IL15: variants seen among roughly 807,000 people sequenced by gnomAD.
The protein encoded by IL15 is interleukin-15.
IL15 carries 11 observed loss-of-function variants against 19.6 expected under a neutral mutation model. That is an observed-to-expected ratio of 0.56 (90% CI 0.35 to 0.93). IL15 has a LOEUF of 0.93. Among genes scored for constraint, IL15 ranks in the 40% least tolerant of loss-of-function variants. The pLI is 0.01. For missense variants in IL15, 197 were observed against 186.5 expected (o/e 1.06, Z -0.33); for synonymous variants, 58 against 59.6 (o/e 0.97, Z 0.12).
chr4:141,693,015 T>TAAAAAAAAAAAAAAAA (rs1560922820), intron 2 of IL15, among the ~76,000 whole-genome samples: 2 of 11,816 alleles, frequency 1.7e-4, no homozygotes, highest in African/African-American at 4.8e-4. Context: ...AGACTCCGTC[T>TAAAAAAAAAAAAAAAA]CAAAAAAAAA....
At chr4:141,661,335 T>C (rs978861603) in intron 2 of IL15, among the ~76,000 whole-genome samples, 12 of 152,166 alleles carry the variant, frequency 7.9e-5, no homozygotes, top group African/African-American at 2.7e-4. Context: ...GAGTCATTCC[T>C]GGGAGAATAG....
At chr4:141,705,923 T>A (rs1371648824) in intron 2 of IL15, among the ~76,000 whole-genome samples, 1 of 151,988 alleles carries the variant, frequency 6.6e-6, no homozygotes, top group East Asian at 1.9e-4. Flanking sequence ...TCTGTTTGCA[T>A]GGAATATCTT....
At chr4:141,664,823 A>T (rs950993839) in intron 2 of IL15, among the ~76,000 whole-genome samples, 1 of 152,210 alleles carries the variant, frequency 6.6e-6, no homozygotes, top group African/African-American at 2.4e-5. Context: ...TCTTACATAC[A>T]TACTTTCTCA....
intron 1 of IL15, among the ~76,000 whole-genome samples, chr4:141,641,517 AAG>A (rs1410127663): frequency 6.6e-6 from 1 of 152,118 alleles, no homozygotes; most frequent in Non-Finnish European, 1.5e-5. Context: ...AGCCATAAAA[AAG>A]GATGAGTTCA....
At chr4:141,662,064 AT>A (rs1485732749) in intron 2 of IL15, among the ~76,000 whole-genome samples, 5 of 152,246 alleles carry the variant, frequency 3.3e-5, no homozygotes, top group Non-Finnish European at 7.3e-5. Flanking sequence ...CTTTCAGAGA[AT>A]AAAACATTGA....
chr4:141,680,937 T>C (rs1379797428), intron 2 of IL15, among the ~76,000 whole-genome samples: 1 of 152,220 alleles, frequency 6.6e-6, no homozygotes, highest in Non-Finnish European at 1.5e-5. Context: ...AGATTTGTAT[T>C]GCAATGAACA....
rs1326564146 is a variant in IL15, at chr4:141,714,991, G to A, written c.-99-4375G>A. ...CTAATGAGCCTTTCAAACTCAGCAT[G>A]TCCAGAACTGAAACTCCTGACCTGT... On this transcript the variant is annotated intron_variant, in intron 2 of 7. Coordinates refer to ENST00000320650, the MANE Select transcript of IL15 (RefSeq NM_000585.5). 7 of 152,164 alleles carry A rather than the reference G, an allele frequency of 4.6e-5. No homozygotes were observed. In the East Asian group the frequency reaches 1.4e-3, roughly 29 times the overall value. 9.4% of individuals were successfully genotyped at this position (152,164 alleles called of 1,614,324 possible). A position where few individuals can be genotyped will look rare whatever the true frequency, so the allele number is the denominator to read the frequency against.
At chr4:141,649,740 G>T (rs983763921) in intron 1 of IL15, among the ~76,000 whole-genome samples, 1 of 151,972 alleles carries the variant, frequency 6.6e-6, no homozygotes, top group Non-Finnish European at 1.5e-5. Flanking sequence ...GTAGGAGCAC[G>T]CTTGCTGCAA....
chr4:141,665,821 A>T (rs1053845307), intron 2 of IL15, among the ~76,000 whole-genome samples: 7 of 152,074 alleles, frequency 4.6e-5, no homozygotes, highest in Non-Finnish European at 1.0e-4. Flanking sequence ...TGATATTATG[A>T]TGTATATATT....
chr4:141,717,136 TAA>T (rs1729913208), intron 2 of IL15: 1 of 152,158 alleles, frequency 6.6e-6, no homozygotes, highest in African/African-American at 2.4e-5. Flanking sequence ...CTAACAGTAT[TAA>T]GAGTTAATAC....
intron 2 of IL15, 44 bp downstream of exon 2, chr4:141,656,351 T>C (rs1016605173): frequency 1.5e-5 from 6 of 397,426 alleles, no homozygotes; most frequent in Non-Finnish European, 2.2e-5. Context: ...ACAGATACTT[T>C]TATATAATAG....
At position 141,729,963 on chromosome 4, in the gene IL15, C is replaced by G; in HGVS notation, c.357C>G (p.Asn119Lys). 6.2e-7 allele frequency: 1 copy of G among 1,609,060 alleles called. No individual in the cohort carries two copies. Among genetic ancestry groups the G allele is most frequent in the South Asian group, 1.1e-5 (1 of 90,880 alleles). Residue 119 changes from asparagine (N) to lysine (K), a missense_variant, in exon 7 of 8, where the codon AAC (asparagine) becomes AAG (lysine). By Grantham distance (94) the Asn-to-Lys change is moderately conservative. Coordinates refer to ENST00000320650, the MANE Select transcript of IL15 (RefSeq NM_000585.5). ...DTVENLIILA[N>K]NSLSSNGNVT... is the part of the protein sequence containing the mutation. ...TAGAAAATCTGATCATCCTAGCAAA[C>G]AACAGTTTGTCTTCTAATGGGGTGA...
At chr4:141,701,101 A>G (rs952974913) in intron 2 of IL15, among the ~76,000 whole-genome samples, 31 of 152,022 alleles carry the variant, frequency 2.0e-4, no homozygotes, top group African/African-American at 7.0e-4. Context: ...CAACCTTCTG[A>G]ATTCTTTATC....
chr4:141,685,205 T>A (rs1321686054), intron 2 of IL15, among the ~76,000 whole-genome samples: 7 of 152,208 alleles, frequency 4.6e-5, no homozygotes, highest in African/African-American at 1.7e-4. Flanking sequence ...AGGACCCCCC[T>A]AGAGAATTCA....
At chr4:141,709,542 T>C (rs1579041444) in intron 2 of IL15, among the ~76,000 whole-genome samples, 2 of 152,196 alleles carry the variant, frequency 1.3e-5, no homozygotes, top group African/African-American at 4.8e-5. Flanking sequence ...ACAACAAAAA[T>C]TGGGAAATGC....
At chr4:141,685,211 A>T (rs1356414292) in intron 2 of IL15, among the ~76,000 whole-genome samples, 9 of 152,234 alleles carry the variant, frequency 5.9e-5, no homozygotes, top group Admixed American at 3.3e-4. Context: ...CCCCTAGAGA[A>T]TTCAATGTTT....
Position 141,689,459 on chromosome 4 carries a change from A to G in IL15, c.-99-29907A>G, listed in dbSNP as rs534576620. On this transcript the variant is annotated intron_variant, in intron 2 of 7. Coordinates refer to ENST00000320650, the MANE Select transcript of IL15 (RefSeq NM_000585.5). ...AAAGGTTCTCCAAGGCCCCACCAGA[A>G]TAGCTAGATACAGTGTTGATTGGTG... 2.2e-4 allele frequency among the ~76,000 whole-genome samples: 33 copies of G among 151,516 alleles called. No individual in the cohort carries two copies. The South Asian group carries it at 6.1e-3, about 28-fold the overall frequency.
intron 2 of IL15, among the ~76,000 whole-genome samples, chr4:141,694,963 C>G (rs1729043842): frequency 6.6e-6 from 1 of 152,170 alleles, no homozygotes; most frequent in South Asian, 2.1e-4. Flanking sequence ...GAATATACCC[C>G]TCTCTCCATG....
chr4:141,693,016 CAAAA>C lies in IL15; in HGVS notation c.-99-26327_-99-26324del, dbSNP rs70949131. ...AGGGGAACAGAGCAAGACTCCGTCT[CAAAA>C]AAAAAAAAAAAAAAAAAAAAAAGAT... is the stretch of plus-strand genomic sequence containing the variant. On this transcript the variant is annotated intron_variant, in intron 2 of 7. Coordinates refer to ENST00000320650, the MANE Select transcript of IL15 (RefSeq NM_000585.5). Among the ~76,000 whole-genome samples the C allele has an allele frequency of 1.3e-3, 30 of 23,238 alleles. 1 individual carries two copies. In the South Asian group the frequency reaches 0.013, roughly 10 times the overall value. The allele number at this position is 23,238 out of a possible 152,430, so 15.2% of individuals were successfully genotyped here.
Sources: allele counts gnomAD v4.1 joint callset (sites outside exome capture counted in the v4.1 genomes callset), GRCh38; gene constraint gnomAD v4.1.1; transcripts MANE v1.5; gene names NCBI Gene and HGNC (gene_info 2026-07-23, HGNC 2026-07-21).